The following TNFSF4 variants were observed in gnomAD, a reference collection of about 807,000 sequenced individuals.
TNFSF4 encodes tumor necrosis factor ligand superfamily member 4.
A neutral mutation model predicts 7.3 loss-of-function variants in TNFSF4; 4 were observed. The observed-to-expected ratio is 0.55, with a 90% CI of 0.27 to 1.25. TNFSF4 has a LOEUF of 1.25. Among genes scored for constraint, TNFSF4 ranks in the 50% most tolerant of loss-of-function variants. The pLI is 0.12. For synonymous variants in TNFSF4, 76 were observed against 83.7 expected, an observed-to-expected ratio of 0.91 and a Z score of 0.50; for missense variants, 181 against 208.8, an observed-to-expected ratio of 0.87 and a Z score of 0.82.
At chr1:173,173,910 G>A in the TNFSF4 span, among the ~76,000 whole-genome samples, 1 of 152,252 alleles carries the variant, frequency 6.6e-6, no homozygotes, top group African/African-American at 2.4e-5. Context: ...TTGTCTTGGT[G>A]ATTAATACTT....
At chr1:173,310,896 A>T in the TNFSF4 span, among the ~76,000 whole-genome samples, 11 of 151,976 alleles carry the variant, frequency 7.2e-5, no homozygotes, top group Admixed American at 3.3e-4. Flanking sequence ...GTTTTGACTT[A>T]AAGTTCACTT....
chr1:173,325,298 G>A, the TNFSF4 span, among the ~76,000 whole-genome samples: 1 of 151,934 alleles, frequency 6.6e-6, no homozygotes, highest in Non-Finnish European at 1.5e-5. Context: ...CAGAAATAAA[G>A]ATGTTCTTTG....
At chr1:173,305,598 C>T in the TNFSF4 span, among the ~76,000 whole-genome samples, 1 of 151,714 alleles carries the variant, frequency 6.6e-6, no homozygotes, top group South Asian at 2.1e-4. Flanking sequence ...CCCACTGCCT[C>T]CCCCACTTAA....
At chr1:173,240,484 T>G in the TNFSF4 span, among the ~76,000 whole-genome samples, 5 of 152,344 alleles carry the variant, frequency 3.3e-5, no homozygotes, top group African/African-American at 1.2e-4. Flanking sequence ...GTATTCAATA[T>G]TATATTTCTG....
At chr1:173,411,697 G>A in the TNFSF4 span, among the ~76,000 whole-genome samples, 1 of 152,172 alleles carries the variant, frequency 6.6e-6, no homozygotes, top group Non-Finnish European at 1.5e-5. Flanking sequence ...AGCTACTCAG[G>A]AGGCTGAAGC....
At chr1:173,222,291 G>T in the TNFSF4 span, among the ~76,000 whole-genome samples, 4 of 152,148 alleles carry the variant, frequency 2.6e-5, no homozygotes, top group Admixed American at 6.5e-5. Context: ...CTAAGTAAAG[G>T]AAACATTTGA....
At chr1:173,434,717 C>T in the TNFSF4 span, among the ~76,000 whole-genome samples, 1 of 152,118 alleles carries the variant, frequency 6.6e-6, no homozygotes, top group Non-Finnish European at 1.5e-5. Context: ...CTGCAGAGGC[C>T]GGAACCATAA....
At chr1:173,319,915 G>A in the TNFSF4 span, among the ~76,000 whole-genome samples, 14 of 152,230 alleles carry the variant, frequency 9.2e-5, no homozygotes, top group African/African-American at 2.2e-4. Context: ...GCATGAAAAC[G>A]CTAAAAATTC....
At chr1:173,248,515 AAAG>A in the TNFSF4 span, among the ~76,000 whole-genome samples, 80 of 152,030 alleles carry the variant, frequency 5.3e-4, no homozygotes, top group African/African-American at 1.7e-3. Flanking sequence ...AAAGAAAGAG[AAAG>A]AAGGAAGGAA....
At chr1:173,199,923 T>C (rs551485477) in intron 1 of TNFSF4, among the ~76,000 whole-genome samples, 12 of 152,338 alleles carry the variant, frequency 7.9e-5, no homozygotes, top group Non-Finnish European at 1.2e-4. Flanking sequence ...GTCCTCTTTC[T>C]CTTGTACAAA....
At chr1:173,232,398 A>G in the TNFSF4 span, among the ~76,000 whole-genome samples, 7 of 152,226 alleles carry the variant, frequency 4.6e-5, no homozygotes, top group African/African-American at 1.7e-4. Flanking sequence ...TAAATATACA[A>G]TCATGTCATC....
chr1:173,327,704 G>C, the TNFSF4 span, among the ~76,000 whole-genome samples: 7 of 152,154 alleles, frequency 4.6e-5, no homozygotes, highest in African/African-American at 1.4e-4. Flanking sequence ...GATATGAACA[G>C]ACACTTTTCA....
At chr1:173,331,751 C>A in the TNFSF4 span, among the ~76,000 whole-genome samples, 2 of 152,176 alleles carry the variant, frequency 1.3e-5, no homozygotes, top group Non-Finnish European at 2.9e-5. Context: ...TCTTTTCCTG[C>A]AACTTGTCCA....
chr1:173,375,154 A>G, the TNFSF4 span, among the ~76,000 whole-genome samples: 1 of 152,174 alleles, frequency 6.6e-6, no homozygotes, highest in Admixed American at 6.5e-5. Flanking sequence ...CTGTATTTTT[A>G]GCCTCCTTGT....
At chr1:173,300,713 T>C in the TNFSF4 span, among the ~76,000 whole-genome samples, 2 of 151,020 alleles carry the variant, frequency 1.3e-5, no homozygotes, top group Non-Finnish European at 3.0e-5. Context: ...TTTTCTAGAA[T>C]GAGTAAACAT....
At chr1:173,180,948 C>T (rs1351089068), downstream of TNFSF4, among the ~76,000 whole-genome samples, 1 of 152,110 alleles carries the variant, frequency 6.6e-6, no homozygotes, top group African/African-American at 2.4e-5. Flanking sequence ...CAATGCCTGG[C>T]ATAGCATATA....
At chr1:173,359,461 A>G in the TNFSF4 span, among the ~76,000 whole-genome samples, 1 of 78,674 alleles carries the variant, frequency 1.3e-5, no homozygotes, top group Non-Finnish European at 2.7e-5. Context: ...TTAAAAAAAA[A>G]AAAAGAAAAG....
chr1:173,442,794 T>A, the TNFSF4 span, among the ~76,000 whole-genome samples: 8 of 151,848 alleles, frequency 5.3e-5, no homozygotes, highest in Admixed American at 5.3e-4. Context: ...CGTGATCTGC[T>A]CGCCTCGGCC....
the TNFSF4 span, among the ~76,000 whole-genome samples, chr1:173,318,011 TA>T: frequency 6.6e-6 from 1 of 152,268 alleles, no homozygotes; most frequent in East Asian, 1.9e-4. Flanking sequence ...ACAAACTTTA[TA>T]AAGGAAGGAT....
Sources: gnomAD v4.1 joint callset for allele counts (sites outside exome capture counted in the v4.1 genomes callset) on GRCh38, gnomAD v4.1.1 for gene constraint, MANE v1.5 for transcripts, NCBI Gene and HGNC (gene_info 2026-07-23, HGNC 2026-07-21) for gene names.